The following FAM135B variants were observed in gnomAD, a reference collection of about 807,000 sequenced individuals.
FAM135B encodes protein FAM135B.
In FAM135B, 43 loss-of-function variants were observed where a neutral mutation model predicts 127.7. The ratio of observed to expected loss-of-function variants is 0.34; its 90% confidence interval spans 0.26 to 0.43. FAM135B has a LOEUF of 0.43. FAM135B is among the 20% of genes least tolerant of loss of function. The pLI, the probability that FAM135B is intolerant of heterozygous loss-of-function variation, is 1.00. For synonymous variants in FAM135B, 670 were observed against 665.1 expected (o/e 1.01, Z -0.11); for missense variants, 1,558 against 1,725.6 (o/e 0.90, Z 1.72).
At chr8:138,307,759 T>C (rs1160115740) in intron 3 of FAM135B, among the ~76,000 whole-genome samples, 1 of 144,894 alleles carries the variant, frequency 6.9e-6, no homozygotes, top group Admixed American at 6.9e-5. Flanking sequence ...AAAAGAGAGA[T>C]ACATGGAACA....
chr8:138,384,238 C>T (rs1053065324), intron 1 of FAM135B, among the ~76,000 whole-genome samples: 1 of 152,162 alleles, frequency 6.6e-6, no homozygotes, highest in Non-Finnish European at 1.5e-5. Flanking sequence ...CCGGGCCTAC[C>T]CAAAGTGACT....
At chr8:138,384,304 G>A (rs1263714437) in intron 1 of FAM135B, among the ~76,000 whole-genome samples, 1 of 152,198 alleles carries the variant, frequency 6.6e-6, no homozygotes, top group Non-Finnish European at 1.5e-5. Context: ...TAGTCTGGGA[G>A]GCTAGTGGTT....
rs1253035541 is a variant in FAM135B at position 138,241,261 on chromosome 8, G to A, written c.669+1681C>T. On this transcript the variant is annotated intron_variant, in intron 7 of 19. Coordinates refer to ENST00000395297, the MANE Select transcript of FAM135B (RefSeq NM_015912.4). This position sits in a 1 kb window ranked among gnomAD's most constrained non-coding sequence, Gnocchi z 4.8. ...TACTCATTCACTTCCTATGTGCTGG[G>A]CCCTGCGTCAGTGCTAAGGACGTCA... Among the ~76,000 whole-genome samples, 4 of 152,158 alleles carry A rather than the reference G, an allele frequency of 2.6e-5. No individual in the cohort carries two copies. The highest frequency in any genetic ancestry group is 9.7e-5 in the African/African-American group (4 of 41,438).
At chr8:138,345,429 CA>C (rs1216744159) in intron 2 of FAM135B, among the ~76,000 whole-genome samples, 2 of 152,150 alleles carry the variant, frequency 1.3e-5, no homozygotes, top group Non-Finnish European at 2.9e-5. Context: ...GCAGCAGGGC[CA>C]GGGGCAAAGC....
chr8:138,442,991 G>C (rs1047528534), intron 1 of FAM135B, among the ~76,000 whole-genome samples: 32 of 152,098 alleles, frequency 2.1e-4, no homozygotes, highest in African/African-American at 6.5e-4. Context: ...TAATAAGTCA[G>C]GGGATTACAA....
At chr8:138,223,144 G>A (rs1280790322) in intron 7 of FAM135B, among the ~76,000 whole-genome samples, 2 of 152,140 alleles carry the variant, frequency 1.3e-5, no homozygotes, top group Non-Finnish European at 2.9e-5. Context: ...TTCTTGTTCC[G>A]AAATGTCAGT....
rs1260615051 is a variant in FAM135B, at chr8:138,130,132, T to A, written c.*2461A>T. The stretch of plus-strand genomic sequence containing the variant: ...AATGAAGACATACAAGACCATTATC[T>A]TGGCAGGCATTTTGTTTATAATTTT... On this transcript the variant is annotated 3_prime_UTR_variant, in exon 20 of 20. Coordinates refer to ENST00000395297, the MANE Select transcript of FAM135B (RefSeq NM_015912.4). 1 of 151,760 alleles carries A rather than the reference T, an allele frequency of 6.6e-6. No homozygotes were observed. Among genetic ancestry groups the A allele is most frequent in the Non-Finnish European group, 1.5e-5 (1 of 67,988 alleles). 9.4% of individuals were successfully genotyped at this position (151,760 alleles called of 1,614,324 possible).
chr8:138,229,368 A>G (rs11166799), intron 7 of FAM135B, among the ~76,000 whole-genome samples: 62,938 of 151,910 alleles, frequency 0.41, 13,351 homozygotes, highest in African/African-American at 0.44. Context: ...TCTCAAGACT[A>G]TAATACAGAT....
At chr8:138,148,152 A>G (rs1389054778) in intron 14 of FAM135B, among the ~76,000 whole-genome samples, 1 of 152,210 alleles carries the variant, frequency 6.6e-6, no homozygotes, top group Non-Finnish European at 1.5e-5. Flanking sequence ...CATGCACTTC[A>G]TTAATATATT....
chr8:138,256,747 G>A lies in FAM135B; in HGVS notation c.310C>T (p.Leu104=), dbSNP rs754720515. 3 of 1,613,768 alleles carry A rather than the reference G, an allele frequency of 1.9e-6. No individual in the cohort carries two copies. The highest frequency in any genetic ancestry group is 2.5e-6 in the Non-Finnish European group (3 of 1,179,780). ...TTGAGTTGAAAATCTACTTCACTCA[G>A]TGCGTCTTCCATCTGCAAAAGAAAC... ...LLGGERMEDA[L]SEVDFQLKVD... The change falls in exon 5 of 20, where the codon CTG becomes TTG. Residue 104 remains leucine (L), a synonymous_variant. Coordinates refer to ENST00000395297, the MANE Select transcript of FAM135B (RefSeq NM_015912.4).
chr8:138,207,056 C>T (rs1817747633), intron 7 of FAM135B, among the ~76,000 whole-genome samples: 1 of 152,154 alleles, frequency 6.6e-6, no homozygotes, highest in Non-Finnish European at 1.5e-5. Context: ...ATGGCTCTGT[C>T]CACATGCGAA....
chr8:138,442,877 A>T (rs1519386), intron 1 of FAM135B, among the ~76,000 whole-genome samples: 2 of 151,978 alleles, frequency 1.3e-5, no homozygotes, highest in African/African-American at 4.8e-5. Context: ...GAAATGGATC[A>T]ATTTTAATGC....
At chr8:138,235,368 T>C (rs1406494342) in intron 7 of FAM135B, among the ~76,000 whole-genome samples, 1 of 152,210 alleles carries the variant, frequency 6.6e-6, no homozygotes, top group African/African-American at 2.4e-5. Flanking sequence ...GATTAATGTT[T>C]GATTAGTGAA....
intron 2 of FAM135B, among the ~76,000 whole-genome samples, chr8:138,340,436 C>T (rs1306865439): frequency 6.6e-6 from 1 of 152,178 alleles, no homozygotes; most frequent in Non-Finnish European, 1.5e-5. Flanking sequence ...ACATTACCCA[C>T]ATCCTTATGT....
chr8:138,210,795 G>A (rs148255929), intron 7 of FAM135B, among the ~76,000 whole-genome samples: 2 of 152,254 alleles, frequency 1.3e-5, no homozygotes, highest in African/African-American at 4.8e-5. Flanking sequence ...GCATTCTGTA[G>A]GGAATCCAGA....
At chr8:138,389,984 T>C (rs1832451265) in intron 1 of FAM135B, among the ~76,000 whole-genome samples, 1 of 152,198 alleles carries the variant, frequency 6.6e-6, no homozygotes, top group African/African-American at 2.4e-5. Flanking sequence ...CACTTAATCA[T>C]TACATGTGTA....
Position 138,243,433 on chromosome 8 carries a change from G to A in FAM135B, c.543-365C>T, listed in dbSNP as rs528472571. ...TCAGGGGCAACTCTGACCAGACAAGGTCTGAGTCCTGTCCCTGCTCCTTCC... is the reference window on the plus strand; with the variant it reads ...TCAGGGGCAACTCTGACCAGACAAGATCTGAGTCCTGTCCCTGCTCCTTCC... On this transcript the variant is annotated intron_variant, in intron 6 of 19. Transcript: ENST00000395297. This position sits in a 1 kb window ranked among gnomAD's most constrained non-coding sequence, Gnocchi z 7.5. 2.2e-3 allele frequency among the ~76,000 whole-genome samples: 337 copies of A among 152,262 alleles called. 3 individuals are homozygous for A. Among genetic ancestry groups the A allele is most frequent in the African/African-American group, 7.5e-3 (311 of 41,550 alleles).
At chr8:138,368,111 C>T (rs769706845) in intron 1 of FAM135B, 109 bp from the exon 2 acceptor site, 25 of 716,802 alleles carry the variant, frequency 3.5e-5, no homozygotes, top group East Asian at 2.8e-4. Context: ...ACAGGAGTAG[C>T]GTGTGTCCAC....
chr8:138,433,961 A>G (rs1835335031), intron 1 of FAM135B, among the ~76,000 whole-genome samples: 2 of 152,226 alleles, frequency 1.3e-5, no homozygotes, highest in Non-Finnish European at 2.9e-5. Context: ...ACACAAACGC[A>G]TCCACCTTAC....
Sources: allele counts gnomAD v4.1 joint callset (sites outside exome capture counted in the v4.1 genomes callset), GRCh38; gene constraint gnomAD v4.1.1; non-coding constraint Gnocchi (gnomAD v3.1); transcripts MANE v1.5; gene names NCBI Gene and HGNC (gene_info 2026-07-23, HGNC 2026-07-21).